Variants in ZP3 observed in about 807,000 individuals in gnomAD.
ZP3 encodes the protein zona pellucida glycoprotein 3, also known as zona pellucida sperm-binding protein 3.
ZP3 carries 21 observed loss-of-function variants against 35.6 expected under a neutral mutation model. That is an observed-to-expected ratio of 0.59 (90% CI 0.42 to 0.85). ZP3 has a LOEUF of 0.85. ZP3 is among the 40% of genes least tolerant of loss of function. The probability of loss-of-function intolerance (pLI) is 0.00; values close to 1 mark genes in which losing one functional copy is unlikely to be tolerated. For synonymous variants in ZP3, 207 were observed against 214.5 expected (o/e 0.96, Z 0.31); for missense variants, 437 against 536.5 (o/e 0.81, Z 1.83).
intron 1 of ZP3, among the ~76,000 whole-genome samples, chr7:76,405,388 G>A (rs1317019376): frequency 8.7e-6 from 1 of 115,050 alleles, no homozygotes; most frequent in Non-Finnish European, 1.7e-5. Flanking sequence ...CACCATATTG[G>A]CCAGGCTGGT....
chr7:76,400,919 G>T, intron 1 of ZP3: 1 of 1,511,400 alleles, frequency 6.6e-7, no homozygotes. Context: ...AGGGGGGCTG[G>T]TTAGTCATCA....
rs1229904548 is a variant in ZP3 at position 76,433,884 on chromosome 7, AG to A, written c.714-153del. 4.0e-6 allele frequency: 4 copies of A among 1,010,484 alleles called. No homozygotes were observed. The East Asian group carries it at 1.0e-4, about 26-fold the overall frequency. The allele number at this position is 1,010,484 out of a possible 1,614,324, so 62.6% of individuals were successfully genotyped here. On this transcript the variant is annotated intron_variant, in intron 4 of 7. Coordinates refer to ENST00000394857, the MANE Select transcript of ZP3 (RefSeq NM_001110354.2). ...TGGCTAATTTTTGTATTTTTAGTAG[AG>A]ACAAGGTTTCACCATGTTTGCCAGG...
chr7:76,421,679 C>T (rs1426827194), upstream of ZP3, among the ~76,000 whole-genome samples: 1 of 151,596 alleles, frequency 6.6e-6, no homozygotes, highest in Non-Finnish European at 1.5e-5. Context: ...ACTGCAACAT[C>T]TGCTTCCCAG....
rs1217964534 is a variant in ZP3, at chr7:76,433,631, A to G, written c.697A>G (p.Ile233Val). 1.2e-6 allele frequency: 2 copies of G among 1,608,610 alleles called. No homozygotes were observed. The highest frequency in any genetic ancestry group is 3.4e-5 in the Admixed American group (2 of 59,532). The change falls in exon 4 of 8, where the codon ATC (isoleucine) becomes GTC (valine). Residue 233 changes from isoleucine to valine, a missense_variant. Ile to Val is a conservative substitution (Grantham distance 29). This residue lies in a region of ZP3 where 352 missense variants were observed against 308.4 expected (regional missense o/e 1.14). Transcript: ENST00000394857. ...CCAGAATGCCTCCCCTTATCACACC[A>G]TCGTGGACTTCCATGGGTGAGCACT... ...PDQNASPYHTIVDFHGCLVDG... is the reference protein window; with the variant it reads ...PDQNASPYHTVVDFHGCLVDG...
rs183744003 is a variant in ZP3 at position 76,433,867 on chromosome 7, T to C, written c.714-171T>C. 1.5e-5 allele frequency: 16 copies of C among 1,103,244 alleles called. No individual in the cohort carries two copies. In the Admixed American group the frequency reaches 1.5e-4, roughly 10 times the overall value. The allele number at this position is 1,103,244 out of a possible 1,614,324, so 68.3% of individuals were successfully genotyped here. A position where few individuals can be genotyped will look rare whatever the true frequency, so the allele number is the denominator to read the frequency against. On this transcript the variant is annotated intron_variant, in intron 4 of 7. Transcript: ENST00000394857. Reference sequence around the variant, plus strand: ...GTGCCCATCACCATGCCTGGCTAATTTTTGTATTTTTAGTAGAGACAAGGT... The same window carrying C: ...GTGCCCATCACCATGCCTGGCTAATCTTTGTATTTTTAGTAGAGACAAGGT...
At chr7:76,413,599 A>G (rs1805300642) in intron 1 of ZP3, among the ~76,000 whole-genome samples, 1 of 64,868 alleles carries the variant, frequency 1.5e-5, no homozygotes, top group South Asian at 5.0e-4. Flanking sequence ...TGATTTCAAA[A>G]TAAAACTTTT....
At chr7:76,439,152 C>CAT (rs1806118167) in intron 5 of ZP3, among the ~76,000 whole-genome samples, 1 of 106,830 alleles carries the variant, frequency 9.4e-6, no homozygotes, top group Non-Finnish European at 1.9e-5. Context: ...AAAAAAAAAA[C>CAT]CTCTTAAGTC....
chr7:76,424,763 C>G (rs1805597836), upstream of ZP3: 3 of 536,080 alleles, frequency 5.6e-6, no homozygotes, highest in South Asian at 9.2e-5. Context: ...TGTGGTCATG[C>G]TGGGGTGAAG....
intron 1 of ZP3, among the ~76,000 whole-genome samples, chr7:76,405,323 T>TCTTTCTTTC (rs1804978103): frequency 1.4e-4 from 4 of 29,176 alleles, no homozygotes; most frequent in Admixed American, 6.7e-4. Context: ...ATATGTATTT[T>TCTTTCTTTC]TTTCTTTCTT....
intron 1 of ZP3, among the ~76,000 whole-genome samples, chr7:76,417,806 G>A (rs549739271): frequency 6.9e-4 from 104 of 151,052 alleles, no homozygotes; most frequent in African/African-American, 2.2e-3. Flanking sequence ...CAGAGATGGG[G>A]TCTTGCTATG....
Position 76,431,816 on chromosome 7 carries a change from G to A in ZP3, c.432-1111G>A, listed in dbSNP as rs560393215. Among the ~76,000 whole-genome samples, 144 of 151,702 alleles carry A rather than the reference G, an allele frequency of 9.5e-4. 1 individual carries two copies. Among genetic ancestry groups the A allele is most frequent in the Non-Finnish European group, 1.8e-3 (125 of 67,870 alleles). ...TGGGAGGCTGAGGCAGGAGAATGGC[G>A]TGAACCTGGGTGGTGGAGCTTGCAG... On this transcript the variant is annotated intron_variant, in intron 2 of 7. Transcript: ENST00000394857.
At chr7:76,433,118 TTTGGTTTTGGTTTTGG>T in intron 3 of ZP3, 88 bp downstream of exon 3, 1 of 583,214 alleles carries the variant, frequency 1.7e-6, no homozygotes, top group South Asian at 2.5e-5. Context: ...TTTTTGTTTG[TTTGGTTTTGGTTTTGG>T]TTGGTTTTGG....
intron 1 of ZP3, chr7:76,400,342 C>G: frequency 6.6e-7 from 1 of 1,526,548 alleles, no homozygotes. Context: ...GCCCCAGCCG[C>G]GGCTGCCGCA....
At chr7:76,417,654 C>T (rs1156381148) in intron 1 of ZP3, among the ~76,000 whole-genome samples, 2 of 151,132 alleles carry the variant, frequency 1.3e-5, no homozygotes, top group African/African-American at 4.9e-5. Flanking sequence ...TCTTGTCTCC[C>T]TGGCTAGAGT....
chr7:76,416,159 TG>T (rs1805365217), intron 1 of ZP3, among the ~76,000 whole-genome samples: 1 of 148,786 alleles, frequency 6.7e-6, no homozygotes, highest in African/African-American at 2.5e-5. Flanking sequence ...CTGGGTGCAG[TG>T]GCTCAGCCTG....
chr7:76,403,678 T>C (rs368549437), intron 1 of ZP3, among the ~76,000 whole-genome samples: 5 of 151,458 alleles, frequency 3.3e-5, no homozygotes, highest in African/African-American at 7.3e-5. Context: ...TTATTTCTTT[T>C]TGAGACAGAG....
intron 1 of ZP3, among the ~76,000 whole-genome samples, chr7:76,426,874 CCACA>C (rs369991319): frequency 1.6e-4 from 20 of 126,756 alleles, no homozygotes; most frequent in South Asian, 5.6e-4. Flanking sequence ...CTACCAAACA[CCACA>C]CACACACACA....
At chr7:76,431,898 CAA>C (rs67914265) in intron 2 of ZP3, among the ~76,000 whole-genome samples, 48,868 of 144,020 alleles carry the variant, frequency 0.34, 8,834 homozygotes, top group East Asian at 0.54. Context: ...GACTCCGTCT[CAA>C]AAAAAAAAAA....
intron 5 of ZP3, among the ~76,000 whole-genome samples, chr7:76,438,671 G>C (rs1376453884): frequency 6.8e-6 from 1 of 147,268 alleles, no homozygotes; most frequent in African/African-American, 2.6e-5. Context: ...GTCTAACGAG[G>C]GTGGGTAAAC....
Sources: allele counts gnomAD v4.1 joint callset (sites outside exome capture counted in the v4.1 genomes callset), GRCh38; gene constraint gnomAD v4.1.1; regional missense constraint gnomAD v4.1.1; transcripts MANE v1.5; gene names NCBI Gene and HGNC (gene_info 2026-07-23, HGNC 2026-07-21).